The following CTIF variants were observed in gnomAD, a reference collection of about 807,000 sequenced individuals.
CTIF encodes cap binding complex dependent translation initiation factor.
A neutral mutation model predicts 66.0 loss-of-function variants in CTIF; 21 were observed. The observed-to-expected ratio is 0.32, with a 90% CI of 0.23 to 0.46. CTIF has a LOEUF of 0.46. Ranked by LOEUF, CTIF falls within the 20% of genes least tolerant of loss-of-function variation. The pLI is 1.00. For missense variants in CTIF, 739 were observed against 812.7 expected (o/e 0.91, Z 1.10); for synonymous variants, 345 against 326.4 (o/e 1.06, Z -0.62).
chr18:48,786,959 C>T (rs536334721), intron 9 of CTIF, among the ~76,000 whole-genome samples: 1 of 152,282 alleles, frequency 6.6e-6, no homozygotes, highest in East Asian at 1.9e-4. Context: ...GTAAATCTCC[C>T]TTCCCCTACC....
At chr18:48,818,657 G>A (rs929995671) in intron 10 of CTIF, among the ~76,000 whole-genome samples, 2 of 152,030 alleles carry the variant, frequency 1.3e-5, no homozygotes, top group African/African-American at 4.8e-5. Flanking sequence ...TAGATGGAGA[G>A]GGAGAGGAAG....
Position 48,805,610 on chromosome 18 carries a change from A to G in CTIF, c.1372-11611A>G, listed in dbSNP as rs79703160. ...CCTGGGAAGGGGGAAAAAAAATCCA[A>G]TAAGCCAAGAAACATCACTGTATGG... On this transcript the variant is annotated intron_variant, in intron 9 of 11. Coordinates refer to ENST00000256413, the MANE Select transcript of CTIF (RefSeq NM_014772.3). Among the ~76,000 whole-genome samples the G allele has an allele frequency of 2.8e-3, 434 of 152,328 alleles. 22 individuals are homozygous for G. The East Asian group carries it at 0.069, about 24-fold the overall frequency.
rs145220145 is a variant in CTIF, at chr18:48,655,584, C to A, written c.253-8168C>A. 2.1e-3 allele frequency among the ~76,000 whole-genome samples: 324 copies of A among 152,274 alleles called. 3 individuals carry two copies. Among genetic ancestry groups the A allele is most frequent in the Admixed American group, 7.6e-3 (117 of 15,298 alleles). On this transcript the variant is annotated intron_variant, in intron 3 of 11. Transcript: ENST00000256413. Reference sequence around the variant, plus strand: ...GGAGTCCTTTGGGGAGTGGAGACTGCACCACCTTTATCTCTCTCATGCCCA... The same window carrying A: ...GGAGTCCTTTGGGGAGTGGAGACTGAACCACCTTTATCTCTCTCATGCCCA...
intron 9 of CTIF, among the ~76,000 whole-genome samples, chr18:48,790,742 C>G (rs2067774302): frequency 6.6e-6 from 1 of 152,210 alleles, no homozygotes; most frequent in South Asian, 2.1e-4. Flanking sequence ...CTCTGAAGTT[C>G]CCACTTCAGA....
At chr18:48,712,481 G>T (rs2092236253) in intron 7 of CTIF, among the ~76,000 whole-genome samples, 1 of 152,160 alleles carries the variant, frequency 6.6e-6, no homozygotes, top group Non-Finnish European at 1.5e-5. Context: ...TGCAAAAGGG[G>T]GAGTTAGAGT....
chr18:48,574,992 C>G lies in CTIF; in HGVS notation c.-29+35680C>G, dbSNP rs544309930. On this transcript the variant is annotated intron_variant, in intron 1 of 11. Coordinates refer to ENST00000256413, the MANE Select transcript of CTIF (RefSeq NM_014772.3). Reference sequence around the variant, plus strand: ...ATGAGATAAAGAGTAATAGTGATGACAGGTGTTGGGAACTGGGTATGACCA... The same window carrying G: ...ATGAGATAAAGAGTAATAGTGATGAGAGGTGTTGGGAACTGGGTATGACCA... Among the ~76,000 whole-genome samples, 15 of 152,306 alleles carry G rather than the reference C, an allele frequency of 9.8e-5. No individual in the cohort carries two copies. In the South Asian group the frequency reaches 3.1e-3, roughly 32 times the overall value.
chr18:48,841,049 T>C (rs1183650778), intron 10 of CTIF, among the ~76,000 whole-genome samples: 1 of 152,202 alleles, frequency 6.6e-6, no homozygotes, highest in Non-Finnish European at 1.5e-5. Context: ...GTGTCCCTTT[T>C]CTAAGTCCTC....
At chr18:48,809,946 T>G (rs1344097274) in intron 9 of CTIF, among the ~76,000 whole-genome samples, 5 of 151,998 alleles carry the variant, frequency 3.3e-5, no homozygotes, top group Admixed American at 2.6e-4. Context: ...TCCTAAGTAA[T>G]TAATTTGGGG....
At chr18:48,840,589 A>G (rs1257935713) in intron 10 of CTIF, among the ~76,000 whole-genome samples, 1 of 152,094 alleles carries the variant, frequency 6.6e-6, no homozygotes, top group Non-Finnish European at 1.5e-5. Context: ...CCAAATCCCT[A>G]CTGACACCCT....
intron 7 of CTIF, among the ~76,000 whole-genome samples, chr18:48,721,531 G>T (rs990739320): frequency 2.9e-4 from 44 of 152,220 alleles, no homozygotes; most frequent in Non-Finnish European, 8.8e-5. Flanking sequence ...CAGTGTGTCT[G>T]GTGGGCAGCC....
At chr18:48,681,157 G>T (rs1409298150) in intron 6 of CTIF, among the ~76,000 whole-genome samples, 1 of 152,202 alleles carries the variant, frequency 6.6e-6, no homozygotes, top group Non-Finnish European at 1.5e-5. Context: ...TCAGCCCAGG[G>T]ACCTCCCTCC....
At chr18:48,752,389 T>A (rs1907916249) in intron 7 of CTIF, among the ~76,000 whole-genome samples, 1 of 152,212 alleles carries the variant, frequency 6.6e-6, no homozygotes, top group South Asian at 2.1e-4. Flanking sequence ...GCCCGTGTGT[T>A]GCCTAAGCTT....
chr18:48,733,713 C>T (rs1455575190), intron 7 of CTIF, among the ~76,000 whole-genome samples: 2 of 152,214 alleles, frequency 1.3e-5, no homozygotes, highest in African/African-American at 2.4e-5. Context: ...TCATTTGCAG[C>T]CCGTGATGAA....
intron 1 of CTIF, among the ~76,000 whole-genome samples, chr18:48,582,019 G>A (rs1163294306): frequency 6.6e-6 from 1 of 152,014 alleles, no homozygotes; most frequent in Non-Finnish European, 1.5e-5. Flanking sequence ...ATTGGACAGG[G>A]AGGATGTCAC....
At chr18:48,804,537 C>A (rs2068105374) in intron 9 of CTIF, among the ~76,000 whole-genome samples, 1 of 152,214 alleles carries the variant, frequency 6.6e-6, no homozygotes, top group Non-Finnish European at 1.5e-5. Context: ...TCGGGGGCGG[C>A]CAGGTCCGAG....
intron 3 of CTIF, among the ~76,000 whole-genome samples, chr18:48,649,874 C>G (rs1399248929): frequency 1.3e-5 from 2 of 152,236 alleles, no homozygotes; most frequent in Non-Finnish European, 2.9e-5. Flanking sequence ...AACAGACCTG[C>G]ACCTGAGGGA....
At chr18:48,790,496 C>A (rs1456212107) in intron 9 of CTIF, among the ~76,000 whole-genome samples, 1 of 152,252 alleles carries the variant, frequency 6.6e-6, no homozygotes, top group East Asian at 1.9e-4. Context: ...CCCCATGGAG[C>A]CCTTTGGCCT....
intron 1 of CTIF, among the ~76,000 whole-genome samples, chr18:48,606,977 A>AT (rs1460525862): frequency 2.6e-5 from 4 of 152,182 alleles, no homozygotes; most frequent in African/African-American, 9.7e-5. Context: ...TCTTTTATAT[A>AT]TTTGGGGGGA....
chr18:48,813,675 C>T (rs1487747440), intron 9 of CTIF, among the ~76,000 whole-genome samples: 4 of 152,244 alleles, frequency 2.6e-5, no homozygotes, highest in African/African-American at 4.8e-5. Flanking sequence ...AAACAGAATG[C>T]TCTCTTGATG....
Sources: allele counts gnomAD v4.1 joint callset (sites outside exome capture counted in the v4.1 genomes callset), GRCh38; gene constraint gnomAD v4.1.1; transcripts MANE v1.5; gene names NCBI Gene and HGNC (gene_info 2026-07-23, HGNC 2026-07-21).